Variants in IGF2BP3 observed in about 807,000 individuals in gnomAD.
The protein encoded by IGF2BP3 is insulin-like growth factor 2 mRNA-binding protein 3.
In IGF2BP3, 9 loss-of-function variants were observed where a neutral mutation model predicts 73.8. The ratio of observed to expected loss-of-function variants is 0.12; its 90% confidence interval spans 0.07 to 0.21. IGF2BP3 has a LOEUF of 0.21. IGF2BP3 is among the 10% of genes least tolerant of loss of function. The pLI, the probability that IGF2BP3 is intolerant of heterozygous loss-of-function variation, is 1.00. For missense variants in IGF2BP3, 542 were observed against 714.0 expected (o/e 0.76, Z 2.75); for synonymous variants, 258 against 256.7 (o/e 1.01, Z -0.05).
At chr7:23,354,681 A>G (rs951777652) in intron 5 of IGF2BP3, among the ~76,000 whole-genome samples, 5 of 152,222 alleles carry the variant, frequency 3.3e-5, no homozygotes, top group African/African-American at 1.2e-4. Flanking sequence ...TGCTGCTTTA[A>G]AAAGATTTTT....
chr7:23,465,062 C>T (rs1352930263), intron 2 of IGF2BP3, among the ~76,000 whole-genome samples: 1 of 152,172 alleles, frequency 6.6e-6, no homozygotes, highest in Non-Finnish European at 1.5e-5. Flanking sequence ...TTCCTCTTCC[C>T]TCTCCCATGC....
At chr7:23,348,425 A>C (rs1052247535) in intron 6 of IGF2BP3, among the ~76,000 whole-genome samples, 1 of 152,208 alleles carries the variant, frequency 6.6e-6, no homozygotes, top group Non-Finnish European at 1.5e-5. Flanking sequence ...GGGCAAGATG[A>C]TGGGTAACAA....
At chr7:23,331,188 T>G (rs539125862) in intron 10 of IGF2BP3, among the ~76,000 whole-genome samples, 7 of 152,354 alleles carry the variant, frequency 4.6e-5, no homozygotes, top group African/African-American at 1.7e-4. Flanking sequence ...AAAATACATG[T>G]ACTACCATGA....
intron 3 of IGF2BP3, among the ~76,000 whole-genome samples, chr7:23,388,878 C>T (rs1451694851): frequency 6.6e-6 from 1 of 152,122 alleles, no homozygotes; most frequent in Admixed American, 6.6e-5. Context: ...TAGTTAAAAA[C>T]TGGAAACAGC....
intron 5 of IGF2BP3, among the ~76,000 whole-genome samples, chr7:23,353,231 T>A (rs1235298628): frequency 6.6e-6 from 1 of 152,184 alleles, no homozygotes; most frequent in Non-Finnish European, 1.5e-5. Context: ...CATTTCCGGC[T>A]TATACACTGC....
chr7:23,454,313 C>T (rs1414817699), intron 2 of IGF2BP3, among the ~76,000 whole-genome samples: 4 of 152,126 alleles, frequency 2.6e-5, no homozygotes, highest in African/African-American at 4.8e-5. Flanking sequence ...TTCTAAGATC[C>T]ATGCACCTAG....
chr7:23,468,743 A>C (rs1021808790), intron 1 of IGF2BP3, among the ~76,000 whole-genome samples: 1 of 152,166 alleles, frequency 6.6e-6, no homozygotes, highest in Non-Finnish European at 1.5e-5. Flanking sequence ...GTTGGGGAGC[A>C]GGGTCCGCTG....
At chr7:23,320,923 C>A (rs1208433358) in intron 10 of IGF2BP3, among the ~76,000 whole-genome samples, 7 of 135,146 alleles carry the variant, frequency 5.2e-5, no homozygotes, top group African/African-American at 2.1e-4. Flanking sequence ...GCTCTCCAAC[C>A]TGGGTGAGAG....
intron 3 of IGF2BP3, among the ~76,000 whole-genome samples, chr7:23,387,255 C>G (rs1257807677): frequency 6.6e-6 from 1 of 152,146 alleles, no homozygotes; most frequent in Non-Finnish European, 1.5e-5. Context: ...AAACTTCACA[C>G]AAGTTCCAAC....
At chr7:23,432,797 C>T (rs1787719162) in intron 2 of IGF2BP3, among the ~76,000 whole-genome samples, 1 of 152,162 alleles carries the variant, frequency 6.6e-6, no homozygotes, top group Admixed American at 6.5e-5. Context: ...TGCGCTACCG[C>T]ACCCAGCTAA....
chr7:23,425,571 A>G (rs1787485006), intron 2 of IGF2BP3, among the ~76,000 whole-genome samples: 1 of 152,098 alleles, frequency 6.6e-6, no homozygotes, highest in South Asian at 2.1e-4. Flanking sequence ...ATGGGGTCTC[A>G]CTACATTCCC....
At chr7:23,334,779 G>GA (rs1784530107) in intron 10 of IGF2BP3, among the ~76,000 whole-genome samples, 5 of 152,268 alleles carry the variant, frequency 3.3e-5, no homozygotes, top group Middle Eastern at 3.4e-3. Flanking sequence ...GTCTGCCAAT[G>GA]AGTAATTCCT....
At chr7:23,353,496 A>G (rs1785017647) in intron 5 of IGF2BP3, among the ~76,000 whole-genome samples, 1 of 152,224 alleles carries the variant, frequency 6.6e-6, no homozygotes, top group South Asian at 2.1e-4. Flanking sequence ...AAGTAGCAAG[A>G]GGTTGCTCTG....
chr7:23,337,192 AC>A (rs1784595833), intron 10 of IGF2BP3, among the ~76,000 whole-genome samples: 1 of 152,132 alleles, frequency 6.6e-6, no homozygotes, highest in East Asian at 1.9e-4. Context: ...GAAGTTATAT[AC>A]TCAAACAACA....
chr7:23,434,657 A>G lies in IGF2BP3; in HGVS notation c.237-15833T>C, dbSNP rs1383124443. ...ACTCAACTCTTTCTTTTCTCCCAAGATATAATTTCACTAGGCTTTGTAGAT... is the reference window on the plus strand; with the variant it reads ...ACTCAACTCTTTCTTTTCTCCCAAGGTATAATTTCACTAGGCTTTGTAGAT... On this transcript the variant is annotated intron_variant, in intron 2 of 14. Transcript: ENST00000258729. Among the ~76,000 whole-genome samples, 3 of 152,206 alleles carry G rather than the reference A, an allele frequency of 2.0e-5. No individual in the cohort carries two copies. The East Asian group carries it at 5.8e-4, about 29-fold the overall frequency.
At chr7:23,375,360 T>C (rs904411743) in intron 3 of IGF2BP3, among the ~76,000 whole-genome samples, 183 of 152,200 alleles carry the variant, frequency 1.2e-3, no homozygotes, top group African/African-American at 3.9e-3. Context: ...TTTCTTTCAT[T>C]CCACCCCCTT....
intron 3 of IGF2BP3, among the ~76,000 whole-genome samples, chr7:23,378,656 C>T (rs560162280): frequency 6.7e-6 from 1 of 150,318 alleles, no homozygotes; most frequent in South Asian, 2.1e-4. Flanking sequence ...TTACTGCCAC[C>T]TCCGCCTCCC....
intron 10 of IGF2BP3, among the ~76,000 whole-genome samples, chr7:23,337,710 T>C (rs1293308672): frequency 6.6e-6 from 1 of 152,194 alleles, no homozygotes; most frequent in Non-Finnish European, 1.5e-5. Flanking sequence ...TTTATCCTTT[T>C]TTCAGTTTGA....
At chr7:23,375,561 C>T (rs1162525109) in intron 3 of IGF2BP3, among the ~76,000 whole-genome samples, 1 of 152,222 alleles carries the variant, frequency 6.6e-6, no homozygotes, top group Non-Finnish European at 1.5e-5. Context: ...AGGAATACCA[C>T]TCCAAACAGC....
Sources: gnomAD v4.1 joint callset for allele counts (sites outside exome capture counted in the v4.1 genomes callset) on GRCh38, gnomAD v4.1.1 for gene constraint, MANE v1.5 for transcripts, NCBI Gene and HGNC (gene_info 2026-07-23, HGNC 2026-07-21) for gene names.